MYLK: variants seen among roughly 807,000 people sequenced by gnomAD.
The protein encoded by MYLK is myosin light chain kinase, smooth muscle.
In MYLK, 106 loss-of-function variants were observed where a neutral mutation model predicts 203.4. That is an observed-to-expected ratio of 0.52 (90% confidence interval 0.45 to 0.61). The LOEUF is 0.61. MYLK is among the 20% of genes least tolerant of loss of function. The probability of loss-of-function intolerance (pLI) is 0.00; values close to 1 mark genes in which losing one functional copy is unlikely to be tolerated. For missense variants in MYLK, 2,072 were observed against 2,442.3 expected (o/e 0.85, Z 3.20); for synonymous variants, 867 against 959.5 (o/e 0.90, Z 1.78).
At chr3:123,721,275 G>A (rs113085189) in intron 13 of MYLK, among the ~76,000 whole-genome samples, 4,319 of 152,044 alleles carry the variant, frequency 0.028, 150 homozygotes, top group African/African-American at 0.097. Flanking sequence ...CTTGTCTGAT[G>A]GGAGACCAGT....
chr3:123,814,761 A>G (rs1322444849), intron 3 of MYLK, among the ~76,000 whole-genome samples: 1 of 152,112 alleles, frequency 6.6e-6, no homozygotes, highest in Non-Finnish European at 1.5e-5. Context: ...TAAAACAAAC[A>G]GTTTCATGGA....
At chr3:123,712,377 C>T (rs2061731017) in intron 13 of MYLK, among the ~76,000 whole-genome samples, 1 of 152,236 alleles carries the variant, frequency 6.6e-6, no homozygotes, top group African/African-American at 2.4e-5. Context: ...TCCTGCCTCT[C>T]TGCAATCTCA....
At chr3:123,682,059 T>C in intron 20 of MYLK, 165 bp downstream of exon 20, 1 of 692,312 alleles carries the variant, frequency 1.4e-6, no homozygotes. Flanking sequence ...CTGGCTCTGT[T>C]ATTGGGAGTT....
chr3:123,764,649 G>A lies in MYLK; in HGVS notation c.166-12111C>T, dbSNP rs540587512. 2.5e-4 allele frequency among the ~76,000 whole-genome samples: 38 copies of A among 152,212 alleles called. 1 individual carries two copies. The highest frequency in any genetic ancestry group is 5.2e-4 in the Admixed American group (8 of 15,290). On this transcript the variant is annotated intron_variant, in intron 4 of 33. Transcript: ENST00000360304. Reference sequence around the variant, plus strand: ...TGCAGCTGTACCTCATGTCTAGGACGTGACAGCTGGTCAGCTTTGGCCTCT... The same window carrying A: ...TGCAGCTGTACCTCATGTCTAGGACATGACAGCTGGTCAGCTTTGGCCTCT...
chr3:123,754,612 C>T (rs1459744440), intron 4 of MYLK, among the ~76,000 whole-genome samples: 1 of 152,144 alleles, frequency 6.6e-6, no homozygotes, highest in African/African-American at 2.4e-5. Context: ...CATTGGGATG[C>T]ACAGGGTCTC....
At chr3:123,693,954 C>A (rs2060796606) in intron 18 of MYLK, among the ~76,000 whole-genome samples, 1 of 152,218 alleles carries the variant, frequency 6.6e-6, no homozygotes, top group Non-Finnish European at 1.5e-5. Flanking sequence ...CATCTCATGT[C>A]CCACAAGCCA....
intron 24 of MYLK, among the ~76,000 whole-genome samples, chr3:123,656,632 CA>C (rs2059396079): frequency 6.6e-6 from 1 of 152,158 alleles, no homozygotes; most frequent in Non-Finnish European, 1.5e-5. Context: ...AAAAATGCTC[CA>C]TGCATTTTGT....
Position 123,831,735 on chromosome 3 carries a change from A to G in MYLK, c.-126-65T>C, listed in dbSNP as rs552836196. On this transcript the variant is annotated intron_variant, in intron 2 of 33. Transcript: ENST00000360304. The stretch of plus-strand genomic sequence containing the variant: ...GACAGACACGCAAAAGGGATGTGGG[A>G]GCGGCTGGGAGGAGTACATCACTCT... 1.2e-3 allele frequency: 307 copies of G among 245,624 alleles called. 1 individual carries two copies. The highest frequency in any genetic ancestry group is 6.5e-3 in the African/African-American group (293 of 44,976). 15.2% of individuals were successfully genotyped at this position (245,624 alleles called of 1,614,324 possible). A position where few individuals can be genotyped will look rare whatever the true frequency, so the allele number is the denominator to read the frequency against.
At chr3:123,687,091 G>A (rs2060485524) in intron 19 of MYLK, among the ~76,000 whole-genome samples, 2 of 152,140 alleles carry the variant, frequency 1.3e-5, no homozygotes, top group South Asian at 2.1e-4. Context: ...GCGTGTTGGC[G>A]GGTGCCTGTA....
intron 5 of MYLK, among the ~76,000 whole-genome samples, chr3:123,751,764 G>A (rs1286417281): frequency 6.6e-6 from 1 of 152,166 alleles, no homozygotes; most frequent in African/African-American, 2.4e-5. Flanking sequence ...CCTCGAGTGG[G>A]GTGAGAAGAT....
intron 21 of MYLK, 65 bp downstream of exon 21, chr3:123,667,072 A>T: frequency 6.8e-7 from 1 of 1,468,338 alleles, no homozygotes; most frequent in South Asian, 1.1e-5. Flanking sequence ...CAGTCTAGCA[A>T]GGTAAAGGCA....
At chr3:123,858,871 G>T (rs543218846) in intron 2 of MYLK, among the ~76,000 whole-genome samples, 51 of 152,146 alleles carry the variant, frequency 3.4e-4, no homozygotes, top group Non-Finnish European at 6.8e-4. Context: ...CATATTAACA[G>T]CTCTCTTCCT....
At chr3:123,853,932 A>G (rs1315403917) in intron 2 of MYLK, among the ~76,000 whole-genome samples, 1 of 152,148 alleles carries the variant, frequency 6.6e-6, no homozygotes, top group Non-Finnish European at 1.5e-5. Flanking sequence ...GGACATTAGC[A>G]CATATAACAT....
intron 5 of MYLK, among the ~76,000 whole-genome samples, chr3:123,750,933 G>A (rs1030707364): frequency 6.6e-5 from 10 of 152,216 alleles, no homozygotes; most frequent in African/African-American, 2.2e-4. Flanking sequence ...AACTATGCAT[G>A]CTCCACTCTG....
chr3:123,718,223 C>A (rs2061970602), intron 13 of MYLK, among the ~76,000 whole-genome samples: 1 of 152,096 alleles, frequency 6.6e-6, no homozygotes, highest in Non-Finnish European at 1.5e-5. Context: ...GGCACTGAGC[C>A]CCCAGAAAAG....
rs368575789 is a variant in MYLK, at chr3:123,726,067, T to A, written c.1528A>T (p.Met510Leu). The change falls in exon 12 of 34, where the codon ATG (methionine) becomes TTG (leucine). Residue 510 changes from methionine to leucine, a missense_variant. By Grantham distance (15) the Met-to-Leu change is conservative. Around this residue, in one of 3 missense-constraint regions of MYLK, gnomAD observed 683 missense variants for 643.8 expected, o/e 1.06. Coordinates refer to ENST00000360304, the MANE Select transcript of MYLK (RefSeq NM_053025.4). The stretch of plus-strand genomic sequence containing the variant: ...CTGGAGAAGGAGGGGGCCACCTCCA[T>A]CACGGCAAGCCCTGTGAGGGAAAAG... ...WTLQVERLAV[M>L]EVAPSFSSVL... 9 of 1,614,048 alleles carry A rather than the reference T, an allele frequency of 5.6e-6. No individual in the cohort carries two copies. Among genetic ancestry groups the A allele is most frequent in the Admixed American group, 1.7e-5 (1 of 60,000 alleles).
At chr3:123,881,781 T>C (rs1409294756) in intron 1 of MYLK, among the ~76,000 whole-genome samples, 2 of 152,152 alleles carry the variant, frequency 1.3e-5, no homozygotes, top group East Asian at 3.8e-4. Context: ...CCCCAGCGCA[T>C]TCACAATCTA....
intron 31 of MYLK, chr3:123,620,817 A>G (rs1418577038): frequency 2.0e-5 from 4 of 197,480 alleles, no homozygotes; most frequent in Non-Finnish European, 3.8e-5. Flanking sequence ...AATAATAATA[A>G]CACAGCATCC....
At chr3:123,616,043 A>C (rs141067393) in intron 33 of MYLK, among the ~76,000 whole-genome samples, 70 of 152,366 alleles carry the variant, frequency 4.6e-4, no homozygotes, top group African/African-American at 1.5e-3. Flanking sequence ...TTTTGGAGTG[A>C]TGAAAATGTT....
Sources: gnomAD v4.1 joint callset for allele counts (sites outside exome capture counted in the v4.1 genomes callset) on GRCh38, gnomAD v4.1.1 for gene constraint, gnomAD v4.1.1 regional missense constraint, MANE v1.5 for transcripts, NCBI Gene and HGNC (gene_info 2026-07-23, HGNC 2026-07-21) for gene names.